Variants in MYO9A observed in about 807,000 individuals in gnomAD.
MYO9A encodes myosin IXA, also known as unconventional myosin-IXa.
Under a neutral mutation model 293.3 loss-of-function variants are expected in MYO9A, and 103 were observed. The observed-to-expected ratio is 0.35, with a 90% confidence interval of 0.30 to 0.41. The LOEUF (loss-of-function observed/expected upper bound fraction) is 0.41, where lower values mean the gene tolerates loss of function less well. Among genes scored for constraint, MYO9A ranks in the 10% least tolerant of loss-of-function variants. The probability of loss-of-function intolerance (pLI) is 1.00; values close to 1 mark genes in which losing one functional copy is unlikely to be tolerated. For synonymous variants in MYO9A, 1,001 were observed against 1,035.7 expected (o/e 0.97, Z 0.64); for missense variants, 2,685 against 3,033.0 (o/e 0.89, Z 2.69).
rs370805463 is a variant in MYO9A, at chr15:71,938,943, A to T, written c.2303-16T>A. 2.5e-6 allele frequency: 4 copies of T among 1,590,006 alleles called. No individual in the cohort carries two copies. Among genetic ancestry groups the T allele is most frequent in the Non-Finnish European group, 3.4e-6 (4 of 1,166,388 alleles). On this transcript the variant is annotated splice_polypyrimidine_tract_variant and intron_variant, in intron 15 of 41. Coordinates refer to ENST00000356056, the MANE Select transcript of MYO9A (RefSeq NM_006901.4). ...CGGGTTATACCTAGCAAAATTTAAA[A>T]AACAGAAAATTTCAAATCAGTGCAA...
rs1166734864 is a variant in MYO9A at position 71,901,247 on chromosome 15, C to A, written c.3094G>T (p.Val1032Phe). The A allele has an allele frequency of 1.2e-6, 2 of 1,613,900 alleles. No individual in the cohort carries two copies. The highest frequency in any genetic ancestry group is 1.7e-6 in the Non-Finnish European group (2 of 1,179,986). ...AGGAAATGCTGCCTACACAGCAAGA[C>A]CCTGAACCATCGCTGCAACAATATG... ...RIILLQRWFR[V>F]LLCRQHFLHL... The change falls in exon 23 of 42, where the codon GTC (valine) becomes TTC (phenylalanine). Residue 1032 changes from valine to phenylalanine, a missense_variant. This residue lies in a region of MYO9A where 1,434 missense variants were observed against 1,497.7 expected (regional missense o/e 0.96). Transcript: ENST00000356056.
intron 12 of MYO9A, among the ~76,000 whole-genome samples, chr15:71,971,268 A>G (rs1440017675): frequency 1.3e-5 from 2 of 152,134 alleles, no homozygotes; most frequent in East Asian, 3.9e-4. Context: ...TAAGATGTGC[A>G]TTCAATGAAA....
At chr15:72,004,079 G>A (rs557046877) in intron 8 of MYO9A, among the ~76,000 whole-genome samples, 4 of 152,120 alleles carry the variant, frequency 2.6e-5, no homozygotes, top group South Asian at 4.2e-4. Context: ...TATTTGGTAA[G>A]GATCCTAAAT....
Position 71,893,688 on chromosome 15 carries a change from G to A in MYO9A, c.5133C>T (p.Gly1711=). Residue 1711 remains glycine (G), a synonymous_variant, in exon 26 of 42, where the codon GGC becomes GGT. Transcript: ENST00000356056. ...AAAACTCAAAACTTACCTCTCTTTG[G>A]CCTGGCCCAGCTAACTTCACAGGTT... is the stretch of plus-strand genomic sequence containing the variant. ...AWKPVKLAGP[G]QRETSQRFSS... 1 of 1,613,096 alleles carries A rather than the reference G, an allele frequency of 6.2e-7. No homozygotes were observed. Among genetic ancestry groups the A allele is most frequent in the Non-Finnish European group, 8.5e-7 (1 of 1,179,286 alleles).
At chr15:72,038,619 C>T (rs753986414) in intron 2 of MYO9A, among the ~76,000 whole-genome samples, 4 of 152,106 alleles carry the variant, frequency 2.6e-5, no homozygotes, top group African/African-American at 9.7e-5. Context: ...ACAAAAAGCA[C>T]CTTCATGACA....
rs1478543573 is a variant in MYO9A, at chr15:72,010,361, C to T, written c.1242G>A (p.Lys414=). The change falls in exon 7 of 42, where the codon AAG becomes AAA. Residue 414 remains lysine, a synonymous_variant. Coordinates refer to ENST00000356056, the MANE Select transcript of MYO9A (RefSeq NM_006901.4). Reference sequence around the variant, plus strand: ...ACAAGTAAACTCACTGTCTTCGTGTCTTGGGAAGAAATCCTACCATTTCCA... The same window carrying T: ...ACAAGTAAACTCACTGTCTTCGTGTTTTGGGAAGAAATCCTACCATTTCCA... ...LAMEMVGFLP[K]TRRQIFSLLS... The T allele has an allele frequency of 1.2e-6, 2 of 1,613,158 alleles. No individual in the cohort carries two copies. The highest frequency in any genetic ancestry group is 2.2e-5 in the South Asian group (2 of 90,966).
chr15:71,872,188 T>G (rs2142110037), intron 32 of MYO9A, among the ~76,000 whole-genome samples: 1 of 152,150 alleles, frequency 6.6e-6, no homozygotes, highest in African/African-American at 2.4e-5. Context: ...TGGCAGTCAT[T>G]TTTTTTCTTA....
rs368939845 is a variant in MYO9A at position 71,897,844 on chromosome 15, T to C, written c.4659A>G (p.Arg1553=). Residue 1553 remains arginine (R), a synonymous_variant, in exon 25 of 42, where the codon AGA becomes AGG. Coordinates refer to ENST00000356056, the MANE Select transcript of MYO9A (RefSeq NM_006901.4). ...VAPSSYQSKQ[R]VERPSSLLSL... Reference sequence around the variant, plus strand: ...TGAGGAGAGAGGATGGCCTCTCTACTCTTTGCTTTGACTGATAGGAAGATG... The same window carrying C: ...TGAGGAGAGAGGATGGCCTCTCTACCCTTTGCTTTGACTGATAGGAAGATG... 7 of 1,613,968 alleles carry C rather than the reference T, an allele frequency of 4.3e-6. No homozygotes were observed. The African/African-American group carries it at 9.3e-5, about 22-fold the overall frequency.
Position 71,951,983 on chromosome 15 carries a change from A to G in MYO9A, c.2183-87T>C, listed in dbSNP as rs2059063382. The G allele has an allele frequency of 6.5e-6, 9 of 1,393,366 alleles. No individual in the cohort carries two copies. The South Asian group carries it at 9.1e-5, about 14-fold the overall frequency. The allele number at this position is 1,393,366 out of a possible 1,614,324, so 86.3% of individuals were successfully genotyped here. A position where few individuals can be genotyped will look rare whatever the true frequency, so the allele number is the denominator to read the frequency against. ...CCCAAACCAACAGAGAATCAAGGAC[A>G]ATGCTGCCAACTATTTAAGGGTGTA... On this transcript the variant is annotated intron_variant, in intron 14 of 41. Coordinates refer to ENST00000356056, the MANE Select transcript of MYO9A (RefSeq NM_006901.4).
Position 71,901,843 on chromosome 15 carries a change from G to C in MYO9A, c.3001-503C>G, listed in dbSNP as rs1461526362. On this transcript the variant is annotated intron_variant, in intron 22 of 41. Coordinates refer to ENST00000356056, the MANE Select transcript of MYO9A (RefSeq NM_006901.4). ...ATATTTTTCAAGCGTGTTGGGATGG[G>C]GAAAAAAGTTGAAAACCATAGATCT... 2.0e-5 allele frequency among the ~76,000 whole-genome samples: 3 copies of C among 151,982 alleles called. 1 individual carries two copies. The East Asian group carries it at 5.8e-4, about 29-fold the overall frequency.
At chr15:71,918,228 A>C (rs1033880518) in intron 18 of MYO9A, among the ~76,000 whole-genome samples, 1 of 152,206 alleles carries the variant, frequency 6.6e-6, no homozygotes, top group Admixed American at 6.5e-5. Flanking sequence ...TATACTATAT[A>C]CTCACTGTTC....
chr15:71,896,700 A>G (rs903878746), intron 25 of MYO9A, among the ~76,000 whole-genome samples: 1 of 151,888 alleles, frequency 6.6e-6, no homozygotes, highest in African/African-American at 2.4e-5. Flanking sequence ...GAACTGCTTG[A>G]GCCTAGGAGG....
chr15:71,909,206 C>T (rs888122761), intron 19 of MYO9A, among the ~76,000 whole-genome samples: 1 of 152,160 alleles, frequency 6.6e-6, no homozygotes, highest in Admixed American at 6.5e-5. Context: ...AATAAAGCTG[C>T]TATAAATATC....
chr15:71,876,830 G>A (rs1481829967), intron 31 of MYO9A, among the ~76,000 whole-genome samples: 3 of 152,058 alleles, frequency 2.0e-5, no homozygotes, highest in Non-Finnish European at 4.4e-5. Context: ...TTTGGGACAC[G>A]GAAAAACTCT....
chr15:72,003,510 C>T (rs1307646906), intron 8 of MYO9A, among the ~76,000 whole-genome samples: 1 of 151,466 alleles, frequency 6.6e-6, no homozygotes, highest in Non-Finnish European at 1.5e-5. Flanking sequence ...TCCTGGCTAA[C>T]ACGGTGAAAC....
chr15:71,917,981 A>G (rs2058057549), intron 18 of MYO9A, among the ~76,000 whole-genome samples: 1 of 152,192 alleles, frequency 6.6e-6, no homozygotes. Flanking sequence ...GTATGTAAAA[A>G]AAAAACTTTT....
intron 34 of MYO9A, chr15:71,858,590 G>T: frequency 6.6e-6 from 1 of 151,490 alleles, no homozygotes. Context: ...ATACTACCCT[G>T]AATGCGCCCG....
chr15:72,118,340 C>G (rs1229443607), upstream of MYO9A: 1 of 191,384 alleles, frequency 5.2e-6, no homozygotes, highest in Non-Finnish European at 1.1e-5. Flanking sequence ...TTTAGATTCT[C>G]CCTGTACTGG....
intron 1 of MYO9A, among the ~76,000 whole-genome samples, chr15:72,088,279 C>T (rs2079805338): frequency 6.6e-6 from 1 of 152,230 alleles, no homozygotes; most frequent in Non-Finnish European, 1.5e-5. Flanking sequence ...CAACTTGATA[C>T]TGTTTTATAA....
Sources: allele counts gnomAD v4.1 joint callset (sites outside exome capture counted in the v4.1 genomes callset), GRCh38; gene constraint gnomAD v4.1.1; regional missense constraint gnomAD v4.1.1; transcripts MANE v1.5; gene names NCBI Gene and HGNC (gene_info 2026-07-23, HGNC 2026-07-21).